Variants in GALK2 observed in about 807,000 individuals in gnomAD.
The protein encoded by GALK2 is galactokinase 2.
GALK2 carries 36 observed loss-of-function variants against 52.4 expected under a neutral mutation model. That is an observed-to-expected ratio of 0.69 (90% CI 0.53 to 0.91). The LOEUF (loss-of-function observed/expected upper bound fraction) is 0.91, where lower values mean the gene tolerates loss of function less well. Among genes scored for constraint, GALK2 ranks in the 40% least tolerant of loss-of-function variants. GALK2 has a pLI of 0.00. For synonymous variants in GALK2, 176 were observed against 199.1 expected (o/e 0.88, Z 0.98); for missense variants, 579 against 559.1 (o/e 1.04, Z -0.36).
intron 3 of GALK2, among the ~76,000 whole-genome samples, chr15:49,351,966 T>C (rs1265912880): frequency 6.6e-6 from 1 of 152,250 alleles, no homozygotes; most frequent in Non-Finnish European, 1.5e-5. Flanking sequence ...TCTGTAGTTC[T>C]AGGTGTTGAC....
chr15:49,331,454 G>A lies in GALK2; in HGVS notation c.*3295G>A, dbSNP rs534321304. The A allele has an allele frequency of 1.2e-5, 3 of 257,302 alleles. No homozygotes were observed. The East Asian group carries it at 2.7e-4, about 23-fold the overall frequency. The allele number at this position is 257,302 out of a possible 1,614,324, so 15.9% of individuals were successfully genotyped here. On this transcript the variant is annotated 3_prime_UTR_variant, in exon 10 of 10. Transcript: ENST00000560031. Reference sequence around the variant, plus strand: ...TAACACAGCTGTTGGTACCCAATATGATTTTGTTGAATTATTAATGAAAAA... The same window carrying A: ...TAACACAGCTGTTGGTACCCAATATAATTTTGTTGAATTATTAATGAAAAA...
At chr15:49,292,592 G>A in intron 8 of GALK2, 55 bp downstream of exon 8, 1 of 1,423,684 alleles carries the variant, frequency 7.0e-7, no homozygotes, top group Admixed American at 1.9e-5. Context: ...ACAGCTGGAA[G>A]GTTTCAATTT....
chr15:49,325,604 G>A (rs968428461), intron 9 of GALK2, among the ~76,000 whole-genome samples: 25 of 152,248 alleles, frequency 1.6e-4, no homozygotes, highest in Non-Finnish European at 3.7e-4. Context: ...GCCTTTATAA[G>A]TGTATACAGC....
intron 7 of GALK2, among the ~76,000 whole-genome samples, chr15:49,285,594 C>G (rs932880075): frequency 6.6e-6 from 1 of 152,104 alleles, no homozygotes; most frequent in Non-Finnish European, 1.5e-5. Flanking sequence ...CCTCTATATC[C>G]CATGCCTTAT....
chr15:49,257,834 G>C (rs1014018727), intron 5 of GALK2, among the ~76,000 whole-genome samples: 1 of 151,010 alleles, frequency 6.6e-6, no homozygotes, highest in Non-Finnish European at 1.5e-5. Flanking sequence ...ATGATTATAT[G>C]TTCCTTAAAA....
At chr15:49,273,102 T>A (rs2030995997) in intron 5 of GALK2, among the ~76,000 whole-genome samples, 1 of 152,224 alleles carries the variant, frequency 6.6e-6, no homozygotes, top group Non-Finnish European at 1.5e-5. Context: ...CCTTTTGTGA[T>A]ACACACTTTC....
chr15:49,163,683 T>C (rs1242247597), intron 1 of GALK2, among the ~76,000 whole-genome samples: 1 of 152,222 alleles, frequency 6.6e-6, no homozygotes, highest in African/African-American at 2.4e-5. Context: ...TTTTCATAAT[T>C]GTATGCTACC....
chr15:49,170,612 TCTTTTC>T, intron 1 of GALK2: 1 of 517,584 alleles, frequency 1.9e-6, no homozygotes. Context: ...TGCAGATTCT[TCTTTTC>T]CTTTTCTTGT....
intron 1 of GALK2, among the ~76,000 whole-genome samples, chr15:49,183,411 C>A (rs549211152): frequency 1.3e-5 from 2 of 152,260 alleles, no homozygotes; most frequent in East Asian, 1.9e-4. Context: ...TTAACTTATT[C>A]ATTGACCTAC....
At chr15:49,191,862 GTTT>G (rs76137031) in intron 1 of GALK2, among the ~76,000 whole-genome samples, 4 of 151,174 alleles carry the variant, frequency 2.6e-5, no homozygotes, top group East Asian at 1.9e-4. Flanking sequence ...GATTTTCTGT[GTTT>G]TTTTTTTCCA....
downstream of GALK2, chr15:49,335,361 GT>G: frequency 8.8e-7 from 1 of 1,132,392 alleles, no homozygotes; most frequent in Non-Finnish European, 1.3e-6. Context: ...TTCTCTGATT[GT>G]TTCCAGTTCT....
At chr15:49,315,557 C>T (rs1031523189) in intron 8 of GALK2, among the ~76,000 whole-genome samples, 1 of 152,222 alleles carries the variant, frequency 6.6e-6, no homozygotes, top group African/African-American at 2.4e-5. Flanking sequence ...CACAGAACTG[C>T]TTTCCCACCC....
Position 49,299,740 on chromosome 15 carries a change from TTTCTTTCTTTC to T in GALK2, c.967+7206_967+7216del, listed in dbSNP as rs2034850330. On this transcript the variant is annotated intron_variant, in intron 8 of 9. Coordinates refer to ENST00000560031, the MANE Select transcript of GALK2 (RefSeq NM_002044.4). The stretch of plus-strand genomic sequence containing the variant: ...TTTCTTTCTTTCTTTCTTTCTTTTC[TTTCTTTCTTTC>T]TTTCTTTCTTTCTTTCTTTCTTTCT... Among the ~76,000 whole-genome samples the T allele has an allele frequency of 6.3e-3, 603 of 95,592 alleles. 1 individual carries two copies. Among genetic ancestry groups the T allele is most frequent in the East Asian group, 0.032 (113 of 3,534 alleles). The allele number at this position is 95,592 out of a possible 152,430, so 62.7% of individuals were successfully genotyped here.
chr15:49,235,820 T>G (rs1425074648), intron 3 of GALK2, 31 bp from the exon 4 acceptor site: 1 of 1,494,880 alleles, frequency 6.7e-7, no homozygotes. Context: ...GCCTACAGAT[T>G]TTAAATTAAT....
intron 4 of GALK2, among the ~76,000 whole-genome samples, chr15:49,236,843 G>A (rs546971864): frequency 6.6e-6 from 1 of 152,302 alleles, no homozygotes; most frequent in Admixed American, 6.5e-5. Context: ...GGACTTAGTG[G>A]CACATCCATT....
chr15:49,233,830 C>T (rs899269903), intron 3 of GALK2, among the ~76,000 whole-genome samples: 1 of 152,140 alleles, frequency 6.6e-6, no homozygotes, highest in Non-Finnish European at 1.5e-5. Context: ...ATAATACTCT[C>T]TCAGCCACGT....
rs548751224 is a variant in GALK2, at chr15:49,239,981, AG to A, written c.504+616del. Among the ~76,000 whole-genome samples the A allele has an allele frequency of 7.0e-3, 1,072 of 152,334 alleles. 11 individuals are homozygous for A. Among genetic ancestry groups the A allele is most frequent in the Middle Eastern group, 0.024 (7 of 294 alleles). On this transcript the variant is annotated intron_variant, in intron 5 of 9. Transcript: ENST00000560031. ...TCTGGTTCAAATAAAATGTTATCAT[AG>A]GTTCTTTTTACCCCATGTACATATA...
chr15:49,222,014 A>G (rs998072892), intron 3 of GALK2, among the ~76,000 whole-genome samples: 4 of 152,156 alleles, frequency 2.6e-5, no homozygotes, highest in African/African-American at 4.8e-5. Flanking sequence ...TTTTAACAAT[A>G]TTAATTTTTT....
intron 6 of GALK2, among the ~76,000 whole-genome samples, chr15:49,282,740 A>G (rs765287189): frequency 2.5e-4 from 38 of 152,208 alleles, no homozygotes; most frequent in Non-Finnish European, 5.0e-4. Context: ...TTAGTTTTTC[A>G]TCAGATTCCT....
Sources: gnomAD v4.1 joint callset for allele counts (sites outside exome capture counted in the v4.1 genomes callset) on GRCh38, gnomAD v4.1.1 for gene constraint, MANE v1.5 for transcripts, NCBI Gene and HGNC (gene_info 2026-07-23, HGNC 2026-07-21) for gene names.